Variants in HSPA12A observed in about 807,000 individuals in gnomAD.
The protein encoded by HSPA12A is heat shock 70 kDa protein 12A.
In HSPA12A, 28 loss-of-function variants were observed where a neutral mutation model predicts 69.2. The ratio of observed to expected loss-of-function variants is 0.40; its 90% CI spans 0.30 to 0.55. HSPA12A has a LOEUF of 0.55. HSPA12A is among the 20% of genes least tolerant of loss of function. HSPA12A has a pLI of 0.38. For missense variants in HSPA12A, 686 were observed against 900.7 expected, an observed-to-expected ratio of 0.76 and a Z score of 3.05; for synonymous variants, 345 against 370.5, an observed-to-expected ratio of 0.93 and a Z score of 0.79.
intron 1 of HSPA12A, among the ~76,000 whole-genome samples, chr10:116,728,976 A>G (rs1554885378): frequency 1.3e-5 from 2 of 152,144 alleles, no homozygotes; most frequent in Non-Finnish European, 2.9e-5. Flanking sequence ...AAGGGCCCTC[A>G]CACATCCCTG....
chr10:116,681,369 G>T, intron 8 of HSPA12A, 113 bp from the exon 9 acceptor site: 1 of 780,814 alleles, frequency 1.3e-6, no homozygotes, highest in Non-Finnish European at 2.2e-6. Flanking sequence ...CTTCTCATTA[G>T]CACAATGGTT....
intron 1 of HSPA12A, among the ~76,000 whole-genome samples, chr10:116,835,646 A>G (rs1424646432): frequency 1.3e-5 from 2 of 152,228 alleles, no homozygotes; most frequent in Non-Finnish European, 2.9e-5. Context: ...TACAAGGGGA[A>G]AAGCATATCT....
chr10:116,774,164 T>C (rs1444158616), intron 2 of HSPA12A, among the ~76,000 whole-genome samples: 1 of 151,918 alleles, frequency 6.6e-6, no homozygotes, highest in Non-Finnish European at 1.5e-5. Context: ...CGCCCGCCAC[T>C]ACGCCCGGCT....
intron 10 of HSPA12A, among the ~76,000 whole-genome samples, chr10:116,677,395 G>A (rs1401349732): frequency 6.6e-6 from 1 of 152,230 alleles, no homozygotes; most frequent in East Asian, 1.9e-4. Flanking sequence ...GAACATGTTG[G>A]TAAGGAATCC....
intron 5 of HSPA12A, among the ~76,000 whole-genome samples, chr10:116,693,030 T>C (rs1455403390): frequency 1.3e-5 from 2 of 152,162 alleles, no homozygotes; most frequent in Non-Finnish European, 2.9e-5. Flanking sequence ...AGTTAGAAAG[T>C]AGCAGAGCCA....
intron 1 of HSPA12A, among the ~76,000 whole-genome samples, chr10:116,718,997 C>T (rs559272294): frequency 7.6e-4 from 115 of 152,172 alleles, no homozygotes; most frequent in Non-Finnish European, 1.4e-3. Flanking sequence ...AGTAGCTGTG[C>T]CGAAGTGCAG....
chr10:116,677,131 A>C (rs1186018998), intron 10 of HSPA12A, among the ~76,000 whole-genome samples: 9 of 152,156 alleles, frequency 5.9e-5, no homozygotes, highest in Admixed American at 5.9e-4. Flanking sequence ...CCACGTCTGG[A>C]AGTCAGGGAT....
At chr10:116,818,391 C>T (rs747490149) in intron 2 of HSPA12A, among the ~76,000 whole-genome samples, 5 of 152,072 alleles carry the variant, frequency 3.3e-5, no homozygotes, top group Non-Finnish European at 7.4e-5. Flanking sequence ...CTTTACCCAG[C>T]TGCTTGATGC....
intron 2 of HSPA12A, among the ~76,000 whole-genome samples, chr10:116,754,757 G>GA (rs1472729106): frequency 2.6e-5 from 4 of 152,170 alleles, no homozygotes; most frequent in Non-Finnish European, 5.9e-5. Flanking sequence ...TTAAACACAG[G>GA]TAAGTTATAA....
At chr10:116,746,137 G>A (rs527325731), upstream of HSPA12A, among the ~76,000 whole-genome samples, 14 of 152,132 alleles carry the variant, frequency 9.2e-5, no homozygotes, top group Non-Finnish European at 1.6e-4. Context: ...CCGGGATCCC[G>A]TTCACCCACA....
intron 2 of HSPA12A, among the ~76,000 whole-genome samples, chr10:116,752,164 G>T (rs782104798): frequency 4.6e-5 from 7 of 152,200 alleles, no homozygotes; most frequent in Non-Finnish European, 1.0e-4. Flanking sequence ...CAAGTCACCT[G>T]CTGGAAGTCT....
At chr10:116,796,145 C>CCA (rs1844819394) in intron 2 of HSPA12A, among the ~76,000 whole-genome samples, 1 of 110,702 alleles carries the variant, frequency 9.0e-6, no homozygotes, top group African/African-American at 4.5e-5. Flanking sequence ...AAGACTCCAT[C>CCA]AAAAAAAAAA....
chr10:116,680,055 A>G (rs1306373905), intron 9 of HSPA12A, among the ~76,000 whole-genome samples: 1 of 152,190 alleles, frequency 6.6e-6, no homozygotes, highest in African/African-American at 2.4e-5. Context: ...CAGTGGCACA[A>G]TCTTGGCTCA....
At chr10:116,828,312 C>T (rs373084956) in intron 2 of HSPA12A, among the ~76,000 whole-genome samples, 2 of 152,176 alleles carry the variant, frequency 1.3e-5, no homozygotes, top group Admixed American at 1.3e-4. Flanking sequence ...AAAAGCTTTA[C>T]TGCATGTGAA....
At chr10:116,699,110 C>G (rs782191671) in intron 4 of HSPA12A, among the ~76,000 whole-genome samples, 12 of 150,566 alleles carry the variant, frequency 8.0e-5, no homozygotes, top group Non-Finnish European at 1.5e-4. Flanking sequence ...TTCGAACACA[C>G]ATGGTCACGC....
intron 1 of HSPA12A, among the ~76,000 whole-genome samples, chr10:116,732,542 G>A (rs1003378600): frequency 1.3e-5 from 2 of 152,064 alleles, no homozygotes; most frequent in Admixed American, 6.6e-5. Context: ...CAGACATTCT[G>A]CCAAGAGCCA....
chr10:116,825,140 T>C (rs944907248), intron 2 of HSPA12A, among the ~76,000 whole-genome samples: 1 of 151,060 alleles, frequency 6.6e-6, no homozygotes. Context: ...CGAGCTGTGA[T>C]TGCACCACTC....
chr10:116,803,414 CCCAGGTACTG>C (rs1384803027), intron 2 of HSPA12A, among the ~76,000 whole-genome samples: 1 of 152,214 alleles, frequency 6.6e-6, no homozygotes, highest in Non-Finnish European at 1.5e-5. Context: ...TGGGCAAGGA[CCCAGGTACTG>C]CCTTTCTGCT....
exon 1 of HSPA12A, chr10:116,849,595 G>C (rs1845992528): frequency 6.5e-7 from 1 of 1,548,118 alleles, no homozygotes; most frequent in African/African-American, 1.4e-5. Context: ...GGCCGCAGCT[G>C]TGGGACCACT....
Sources: allele counts gnomAD v4.1 joint callset (sites outside exome capture counted in the v4.1 genomes callset), GRCh38; gene constraint gnomAD v4.1.1; transcripts MANE v1.5; gene names NCBI Gene and HGNC (gene_info 2026-07-23, HGNC 2026-07-21).